FRMPD4: variants seen among roughly 807,000 people sequenced by gnomAD.
The protein encoded by FRMPD4 is FERM and PDZ domain containing 4.
Under a neutral mutation model 94.1 loss-of-function variants are expected in FRMPD4, and 22 were observed. The ratio of observed to expected loss-of-function variants is 0.23; its 90% CI spans 0.17 to 0.33. The LOEUF (loss-of-function observed/expected upper bound fraction) is 0.33. Ranked by LOEUF, FRMPD4 falls within the 10% of genes least tolerant of loss-of-function variation. The probability of loss-of-function intolerance (pLI) is 1.00; values close to 1 mark genes in which losing one functional copy is unlikely to be tolerated. For missense variants in FRMPD4, 1,111 were observed against 1,339.9 expected (o/e 0.83, Z 2.67); for synonymous variants, 631 against 548.6 (o/e 1.15, Z -2.10).
At chrX:12,148,175 G>A (rs745415537) in intron 1 of FRMPD4, among the ~76,000 whole-genome samples, 1 of 112,352 alleles carries the variant, frequency 8.9e-6, no homozygotes, top group African/African-American at 3.2e-5. Flanking sequence ...AAGGCATGTT[G>A]AAAGCTGAGA....
At chrX:12,715,875 T>G (rs1218525634) in intron 14 of FRMPD4, among the ~76,000 whole-genome samples, 194 bp from the exon 15 acceptor site, 1 of 111,946 alleles carries the variant, frequency 8.9e-6, no homozygotes, top group African/African-American at 3.3e-5. Flanking sequence ...TTAAGGTCGG[T>G]TCTCCTAACC....
chrX:12,528,265 ATATCT>A (rs1415449114), intron 2 of FRMPD4, among the ~76,000 whole-genome samples: 2 of 109,236 alleles, frequency 1.8e-5, no homozygotes, highest in African/African-American at 3.3e-5. Context: ...CAGAGCTAAC[ATATCT>A]TATCTTCCTC....
Position 12,251,007 on chromosome X carries a change from G to A in FRMPD4, c.41+111995G>A, listed in dbSNP as rs150868414. Among the ~76,000 whole-genome samples, 1,053 of 112,025 alleles carry A rather than the reference G, an allele frequency of 9.4e-3. 9 individuals carry two copies. The highest frequency in any genetic ancestry group is 0.013 in the Non-Finnish European group (704 of 53,216). ...CTGCTTAAAACTAACTTTACTATGA[G>A]CACCTATCCGCCAGGAAAGGAATAA... is the stretch of plus-strand genomic sequence containing the variant. On this transcript the variant is annotated intron_variant, in intron 1 of 16. Transcript: ENST00000675598.
rs138237914 is a variant in FRMPD4 at position 12,173,472 on chromosome X, A to C, written c.41+34460A>C. ...AAAATAGCTTAAATGTTCAAATTCA[A>C]GGAGAGCCAACTGCAGACAAGGTCA... On this transcript the variant is annotated intron_variant, in intron 1 of 16. Coordinates refer to ENST00000675598, the MANE Select transcript of FRMPD4 (RefSeq NM_001368397.1). Among the ~76,000 whole-genome samples the C allele has an allele frequency of 4.4e-3, 496 of 112,102 alleles. 2 individuals carry two copies. Among genetic ancestry groups the C allele is most frequent in the African/African-American group, 0.015 (471 of 30,871 alleles).
Position 12,722,838 on chromosome X carries a change from G to A in FRMPD4, c.*980G>A, listed in dbSNP as rs1356229045. The A allele has an allele frequency of 1.8e-5, 2 of 111,566 alleles. No individual in the cohort carries two copies. The highest frequency in any genetic ancestry group is 6.5e-5 in the African/African-American group (2 of 30,714). 9.2% of individuals were successfully genotyped at this position (111,566 alleles called of 1,213,427 possible). On this transcript the variant is annotated 3_prime_UTR_variant, in exon 17 of 17. Transcript: ENST00000675598. ...AACATTTAATGATCATCAAAATTAA[G>A]TACAGATTCAGTAATGTAGACCAGA...
In FRMPD4 at chrX:11,962,963, T is replaced by G. The variant is rs761520400; in HGVS notation, c.95+84945T>G. On this transcript the variant is annotated intron_variant, in intron 3 of 18. Transcript: ENST00000640291. ...TACACATAAAATACATCCAGCTGAC[T>G]TGGTTTCATTTTCTCCCTCCTACTA... Among the ~76,000 whole-genome samples the G allele has an allele frequency of 6.2e-5, 7 of 112,264 alleles. No homozygotes were observed. In the East Asian group the frequency reaches 1.7e-3, roughly 27 times the overall value.
At chrX:11,942,979 T>A (rs1182728839) in intron 3 of FRMPD4, among the ~76,000 whole-genome samples, 1 of 112,153 alleles carries the variant, frequency 8.9e-6, no homozygotes, top group Non-Finnish European at 1.9e-5. Context: ...ATCTATTTTT[T>A]AAAAGGAGAA....
intron 2 of FRMPD4, among the ~76,000 whole-genome samples, chrX:12,523,992 A>T (rs1316113974): frequency 1.8e-5 from 2 of 111,025 alleles, no homozygotes; most frequent in African/African-American, 6.6e-5. Flanking sequence ...ATCATCTCTA[A>T]AAAAGTTTAA....
At chrX:12,006,493 C>T (rs1252363406) in intron 3 of FRMPD4, among the ~76,000 whole-genome samples, 1 of 111,889 alleles carries the variant, frequency 8.9e-6, no homozygotes, top group Non-Finnish European at 1.9e-5. Context: ...GAAAAGCCAC[C>T]ACATTTGCCA....
chrX:12,306,077 C>T (rs767039119), intron 1 of FRMPD4, among the ~76,000 whole-genome samples: 1 of 85,002 alleles, frequency 1.2e-5, no homozygotes, highest in African/African-American at 4.7e-5. Flanking sequence ...TTATGCTGTG[C>T]TTCAAAAAAA....
chrX:12,607,296 G>A (rs1053274663), intron 2 of FRMPD4, among the ~76,000 whole-genome samples: 4 of 111,191 alleles, frequency 3.6e-5, no homozygotes, highest in Non-Finnish European at 7.5e-5. Context: ...TGGTAGCTGC[G>A]TCTAATCTCT....
intron 4 of FRMPD4, among the ~76,000 whole-genome samples, chrX:12,655,062 A>G (rs2148479202): frequency 8.9e-6 from 1 of 112,257 alleles, no homozygotes; most frequent in African/African-American, 3.2e-5. Context: ...GCACATGGTA[A>G]ACATTCAGAA....
chrX:12,285,032 A>C (rs1420008179), intron 1 of FRMPD4, among the ~76,000 whole-genome samples: 1 of 111,948 alleles, frequency 8.9e-6, no homozygotes, highest in South Asian at 3.8e-4. Flanking sequence ...TATTATTTCA[A>C]GTTTGACCTT....
chrX:12,065,821 G>T (rs1331932586), intron 3 of FRMPD4, among the ~76,000 whole-genome samples: 1 of 112,119 alleles, frequency 8.9e-6, no homozygotes, highest in Non-Finnish European at 1.9e-5. Context: ...TATATGTTTA[G>T]AAATCCAAAT....
At chrX:12,564,851 GAGAGAA>G (rs2058696617) in intron 2 of FRMPD4, among the ~76,000 whole-genome samples, 1 of 79,578 alleles carries the variant, frequency 1.3e-5, no homozygotes, top group African/African-American at 4.6e-5. Context: ...GAGAGAGAGA[GAGAGAA>G]TGTATCAGAG....
chrX:12,169,642 T>G (rs772694556), intron 1 of FRMPD4, among the ~76,000 whole-genome samples: 148 of 112,356 alleles, frequency 1.3e-3, no homozygotes, highest in African/African-American at 4.5e-3. Flanking sequence ...CTATTAGGTC[T>G]AAACTATTAA....
intron 2 of FRMPD4, among the ~76,000 whole-genome samples, chrX:12,594,452 T>C (rs759479153): frequency 9.0e-6 from 1 of 111,052 alleles, no homozygotes; most frequent in South Asian, 3.8e-4. Flanking sequence ...TATTTATTTT[T>C]TGAGATGGAG....
At chrX:12,032,710 G>T (rs1382784197) in intron 3 of FRMPD4, among the ~76,000 whole-genome samples, 1 of 112,244 alleles carries the variant, frequency 8.9e-6, no homozygotes. Flanking sequence ...TAAGCAAAAC[G>T]ATGATGGAAG....
At chrX:11,914,233 T>G (rs2054011265) in intron 3 of FRMPD4, among the ~76,000 whole-genome samples, 1 of 111,505 alleles carries the variant, frequency 9.0e-6, no homozygotes, top group Non-Finnish European at 1.9e-5. Context: ...CATTGCACAG[T>G]GTCCTTCAAT....
Sources: allele counts gnomAD v4.1 joint callset (sites outside exome capture counted in the v4.1 genomes callset), GRCh38; gene constraint gnomAD v4.1.1; transcripts MANE v1.5; gene names NCBI Gene and HGNC (gene_info 2026-07-23, HGNC 2026-07-21).